The following ATAD5 variants were observed in gnomAD, a reference collection of about 807,000 sequenced individuals.
ATAD5 encodes ATPase family AAA domain-containing protein 5.
ATAD5 carries 58 observed loss-of-function variants against 176.9 expected under a neutral mutation model. The ratio of observed to expected loss-of-function variants is 0.33; its 90% CI spans 0.27 to 0.41. The LOEUF is 0.41. Ranked by LOEUF, ATAD5 falls within the 10% of genes least tolerant of loss-of-function variation. The pLI is 1.00. For missense variants in ATAD5, 1,789 were observed against 2,094.1 expected (o/e 0.85, Z 2.84); for synonymous variants, 640 against 712.6 (o/e 0.90, Z 1.62).
intron 9 of ATAD5, 88 bp from the exon 10 acceptor site, chr17:30,860,345 C>T (rs1404767121): frequency 3.2e-5 from 46 of 1,437,736 alleles, no homozygotes; most frequent in Non-Finnish European, 4.0e-5. Context: ...TTTAAAGTTA[C>T]AAGACTATTG....
rs768638862 is a variant in ATAD5 at position 30,855,259 on chromosome 17, C to T, written c.2567C>T (p.Ala856Val). 27 of 1,613,936 alleles carry T rather than the reference C, an allele frequency of 1.7e-5. No homozygotes were observed. Among genetic ancestry groups the T allele is most frequent in the Non-Finnish European group, 1.9e-5 (22 of 1,180,008 alleles). The change falls in exon 7 of 23, where the codon GCG (alanine) becomes GTG (valine). Residue 856 changes from alanine (A) to valine (V), a missense_variant. By Grantham distance (64) the Ala-to-Val change is moderately conservative. Coordinates refer to ENST00000321990, the MANE Select transcript of ATAD5 (RefSeq NM_024857.5). ...LKRQIAKKAA[A>V]LDVYNAVSTS... ...CGGCAAATTGCAAAGAAAGCTGCTG[C>T]GCTGGATGTGTACAATGCAGTGAGT...
At position 30,844,979 on chromosome 17, in the gene ATAD5, T is replaced by A. The variant is rs193256666; in HGVS notation, c.2450+63T>A. On this transcript the variant is annotated intron_variant, in intron 6 of 22. Coordinates refer to ENST00000321990, the MANE Select transcript of ATAD5 (RefSeq NM_024857.5). Reference sequence around the variant, plus strand: ...TATAGAATGTATTTGTATTGATGTGTTTACTTTGATGAGAAAGCATGTGAA... The same window carrying A: ...TATAGAATGTATTTGTATTGATGTGATTACTTTGATGAGAAAGCATGTGAA... The A allele has an allele frequency of 2.2e-6, 3 of 1,342,518 alleles. No individual in the cohort carries two copies. The East Asian group carries it at 7.5e-5, about 34-fold the overall frequency. The allele number at this position is 1,342,518 out of a possible 1,614,324, so 83.2% of individuals were successfully genotyped here.
At chr17:30,879,141 G>C (rs1567696704) in intron 17 of ATAD5, among the ~76,000 whole-genome samples, 1 of 152,018 alleles carries the variant, frequency 6.6e-6, no homozygotes, top group Non-Finnish European at 1.5e-5. Flanking sequence ...TTTGAGATCA[G>C]CCTGGGCACT....
chr17:30,840,005 C>T (rs1906003062), intron 3 of ATAD5, among the ~76,000 whole-genome samples: 1 of 151,852 alleles, frequency 6.6e-6, no homozygotes, highest in African/African-American at 2.4e-5. Context: ...TTGAGACCAG[C>T]CTGGCCAACA....
intron 18 of ATAD5, among the ~76,000 whole-genome samples, chr17:30,879,860 T>C (rs7221685): frequency 0.97 from 147,044 of 152,038 alleles, 71,145 homozygotes; most frequent in East Asian, 1. Context: ...CTGCGCCCGG[T>C]CCAATACAGC....
At chr17:30,862,333 AG>A (rs1447795847) in intron 10 of ATAD5, among the ~76,000 whole-genome samples, 1 of 148,418 alleles carries the variant, frequency 6.7e-6, no homozygotes, top group Non-Finnish European at 1.5e-5. Context: ...GACTCCGTCT[AG>A]GGGGCAAAAA....
rs1479300523 is a variant in ATAD5 at position 30,860,419 on chromosome 17, A to T, written c.2957-14A>T. On this transcript the variant is annotated splice_polypyrimidine_tract_variant and intron_variant, in intron 9 of 22. Transcript: ENST00000321990. ...GATTAGTAAGCACATGCACTTCTTT[A>T]ATTCCCAAAGCAGAACTGGAGGCTG... is the stretch of plus-strand genomic sequence containing the variant. 1 of 1,579,166 alleles carries T rather than the reference A, an allele frequency of 6.3e-7. No homozygotes were observed. The highest frequency in any genetic ancestry group is 2.2e-5 in the East Asian group (1 of 44,450).
intron 6 of ATAD5, among the ~76,000 whole-genome samples, chr17:30,850,512 C>G (rs1906812543): frequency 6.6e-6 from 1 of 151,832 alleles, no homozygotes; most frequent in African/African-American, 2.4e-5. Context: ...AGATGTGCAC[C>G]ACCATGTCCA....
intron 2 of ATAD5, among the ~76,000 whole-genome samples, chr17:30,836,590 G>T: frequency 6.6e-6 from 1 of 150,504 alleles, no homozygotes; most frequent in Non-Finnish European, 1.5e-5. Flanking sequence ...TTTTGAGATG[G>T]AGTCTCACTC....
chr17:30,854,479 C>T (rs1045891087), intron 6 of ATAD5, among the ~76,000 whole-genome samples: 1 of 144,308 alleles, frequency 6.9e-6, no homozygotes, highest in Admixed American at 7.4e-5. Context: ...TTAAGCCATT[C>T]TCCTGCCTCA....
intron 10 of ATAD5, chr17:30,864,057 T>G (rs1407724227): frequency 6.6e-6 from 1 of 152,306 alleles, no homozygotes; most frequent in East Asian, 1.9e-4. Flanking sequence ...CGCCTCGGCC[T>G]CCCAAAGTGC....
intron 7 of ATAD5, among the ~76,000 whole-genome samples, 194 bp from the exon 8 acceptor site, chr17:30,856,761 A>G (rs1206284743): frequency 6.6e-6 from 1 of 152,000 alleles, no homozygotes; most frequent in Non-Finnish European, 1.5e-5. Context: ...AAACAACTGG[A>G]AGGGAAGTCT....
At chr17:30,860,392 T>C (rs757452645) in intron 9 of ATAD5, 41 bp from the exon 10 acceptor site, 1 of 1,557,376 alleles carries the variant, frequency 6.4e-7, no homozygotes, top group Non-Finnish European at 8.6e-7. Flanking sequence ...CTGGTTTTTG[T>C]TGATTAGTAA....
chr17:30,887,941 C>G (rs77239746), intron 19 of ATAD5, among the ~76,000 whole-genome samples: 15,967 of 152,014 alleles, frequency 0.11, 953 homozygotes, highest in South Asian at 0.24. Context: ...AAGCAATTCT[C>G]CTGCCTCAGC....
chr17:30,833,961 C>T (rs1012410483), intron 1 of ATAD5, among the ~76,000 whole-genome samples, 187 bp from the exon 2 acceptor site: 7 of 152,236 alleles, frequency 4.6e-5, no homozygotes, highest in African/African-American at 1.4e-4. Flanking sequence ...GGATTACAGG[C>T]GTGAGCCACC....
intron 6 of ATAD5, among the ~76,000 whole-genome samples, chr17:30,850,256 G>C (rs550223167): frequency 4.0e-5 from 6 of 151,694 alleles, no homozygotes; most frequent in Non-Finnish European, 8.8e-5. Flanking sequence ...CTCCTATCTA[G>C]CTATACTTTT....
At position 30,873,689 on chromosome 17, in the gene ATAD5, C is replaced by CTT. The variant is rs775055653; in HGVS notation, c.3608-2669_3608-2668dup. Reference sequence around the variant, plus strand: ...CAGAGTATCTTAAAATAAAAATTGCCTTTTTTTTTTTTTTTTTGAAAAGAC... The same window carrying CTT: ...CAGAGTATCTTAAAATAAAAATTGCCTTTTTTTTTTTTTTTTTTTGAAAAGAC... On this transcript the variant is annotated intron_variant, in intron 14 of 22. Transcript: ENST00000321990. Among the ~76,000 whole-genome samples, 879 of 129,570 alleles carry CTT rather than the reference C, an allele frequency of 6.8e-3. 35 individuals are homozygous for CTT. The highest frequency in any genetic ancestry group is 0.023 in the African/African-American group (780 of 33,724). The allele number at this position is 129,570 out of a possible 152,430, so 85.0% of individuals were successfully genotyped here. A position where few individuals can be genotyped will look rare whatever the true frequency, so the allele number is the denominator to read the frequency against.
Position 30,874,548 on chromosome 17 carries a change from C to CAAAAA in ATAD5, c.3608-1813_3608-1809dup, listed in dbSNP as rs1298663817. 3.7e-3 allele frequency among the ~76,000 whole-genome samples: 260 copies of CAAAAA among 70,162 alleles called. 7 individuals are homozygous for CAAAAA. The highest frequency in any genetic ancestry group is 0.012 in the South Asian group (21 of 1,698). 46.0% of individuals were successfully genotyped at this position (70,162 alleles called of 152,430 possible). A position where few individuals can be genotyped will look rare whatever the true frequency, so the allele number is the denominator to read the frequency against. On this transcript the variant is annotated intron_variant, in intron 14 of 22. Transcript: ENST00000321990. The stretch of plus-strand genomic sequence containing the variant: ...GAGTGAGACTCCATCTCAAAAGAAA[C>CAAAAA]AAAAAAAAAAAAAAAAAGAGGAAAA...
At chr17:30,876,702 CTTTTTTTTTTTTTTTT>C in intron 15 of ATAD5, 152 bp downstream of exon 15, 1 of 121,298 alleles carries the variant, frequency 8.2e-6, no homozygotes. Context: ...ATTTTGTTTC[CTTTTTTTTTTTTTTTT>C]TTTTTTTTTT....
Sources: gnomAD v4.1 joint callset for allele counts (sites outside exome capture counted in the v4.1 genomes callset) on GRCh38, gnomAD v4.1.1 for gene constraint, MANE v1.5 for transcripts, NCBI Gene and HGNC (gene_info 2026-07-23, HGNC 2026-07-21) for gene names.